STAB2: variants seen among roughly 807,000 people sequenced by gnomAD.
STAB2 encodes stabilin-2.
STAB2 carries 288 observed loss-of-function variants against 338.1 expected under a neutral mutation model. The observed-to-expected ratio is 0.85, with a 90% CI of 0.77 to 0.94. The LOEUF (loss-of-function observed/expected upper bound fraction) is 0.94. Ranked by LOEUF, STAB2 falls within the 40% of genes least tolerant of loss-of-function variation. The pLI is 0.00. For synonymous variants in STAB2, 1,202 were observed against 1,193.3 expected (o/e 1.01, Z -0.15); for missense variants, 3,141 against 3,210.1 (o/e 0.98, Z 0.52).
At chr12:103,760,581 G>A (rs1158225283) in intron 65 of STAB2, among the ~76,000 whole-genome samples, 4 of 152,250 alleles carry the variant, frequency 2.6e-5, no homozygotes, top group South Asian at 2.1e-4. Flanking sequence ...TTATTTTGGG[G>A]TGACATGTCC....
intron 44 of STAB2, among the ~76,000 whole-genome samples, chr12:103,720,599 C>T (rs1399069985): frequency 6.6e-6 from 1 of 152,120 alleles, no homozygotes; most frequent in African/African-American, 2.4e-5. Context: ...GCTAAAGAAA[C>T]AAAATAGTCC....
chr12:103,620,880 C>T (rs190728434), intron 4 of STAB2, among the ~76,000 whole-genome samples: 4 of 152,032 alleles, frequency 2.6e-5, no homozygotes, highest in East Asian at 1.9e-4. Context: ...GGGAGGATCA[C>T]GAGGTCAGGA....
At chr12:103,757,012 T>A (rs762734141) in intron 63 of STAB2, among the ~76,000 whole-genome samples, 74,808 of 140,562 alleles carry the variant, frequency 0.53, 20,492 homozygotes, top group South Asian at 0.73. Context: ...TATATATATA[T>A]ATATATATAT....
At chr12:103,719,740 A>G (rs1241967478) in intron 44 of STAB2, among the ~76,000 whole-genome samples, 1 of 152,038 alleles carries the variant, frequency 6.6e-6, no homozygotes, top group Non-Finnish European at 1.5e-5. Flanking sequence ...AGTTGCATCC[A>G]CAGTTGCATC....
intron 63 of STAB2, among the ~76,000 whole-genome samples, chr12:103,757,169 G>C (rs2139221213): frequency 6.6e-6 from 1 of 151,456 alleles, no homozygotes; most frequent in East Asian, 2.0e-4. Flanking sequence ...GCTCATGGCA[G>C]CCTCAACCTC....
chr12:103,618,886 G>T (rs1364831737), intron 3 of STAB2, among the ~76,000 whole-genome samples: 1 of 152,160 alleles, frequency 6.6e-6, no homozygotes, highest in Non-Finnish European at 1.5e-5. Context: ...GACCCAGGGG[G>T]AGGTAATTGA....
chr12:103,631,620 G>A lies in STAB2; in HGVS notation c.510G>A (p.Val170=), dbSNP rs781574131. ...CAGTGTGCAACTGTGTGCATGGGGTGTGCAACAGTGGACTAGATGGCGATG... is the reference window on the plus strand; with the variant it reads ...CAGTGTGCAACTGTGTGCATGGGGTATGCAACAGTGGACTAGATGGCGATG... ...CSSVCNCVHG[V]CNSGLDGDGT... is the part of the protein sequence containing the mutation. Residue 170 remains valine, a synonymous_variant, in exon 6 of 69, where the codon GTG becomes GTA. Transcript: ENST00000388887. 6.2e-7 allele frequency: 1 copy of A among 1,614,156 alleles called. No homozygotes were observed.
intron 19 of STAB2, among the ~76,000 whole-genome samples, chr12:103,668,387 G>T (rs1196838063): frequency 6.6e-6 from 1 of 152,204 alleles, no homozygotes; most frequent in Non-Finnish European, 1.5e-5. Context: ...ATCTGCTGTG[G>T]CATGGAAGAG....
intron 25 of STAB2, among the ~76,000 whole-genome samples, chr12:103,681,207 C>T (rs777653839): frequency 6.6e-6 from 1 of 152,164 alleles, no homozygotes; most frequent in Non-Finnish European, 1.5e-5. Flanking sequence ...TGTGAAAAAG[C>T]TCACTGCAGT....
intron 23 of STAB2, among the ~76,000 whole-genome samples, chr12:103,674,624 T>G (rs1876158486): frequency 6.6e-6 from 1 of 152,198 alleles, no homozygotes; most frequent in Admixed American, 6.5e-5. Flanking sequence ...TAGGTTGCCA[T>G]TTGTTTCCTT....
intron 53 of STAB2, among the ~76,000 whole-genome samples, chr12:103,738,446 A>G (rs1882325780): frequency 6.6e-6 from 1 of 152,184 alleles, no homozygotes; most frequent in Admixed American, 6.5e-5. Context: ...CATCTGCCCT[A>G]TTGTGTAGAT....
chr12:103,656,712 C>T (rs1350093319), intron 15 of STAB2, among the ~76,000 whole-genome samples: 2 of 140,790 alleles, frequency 1.4e-5, no homozygotes, highest in Non-Finnish European at 3.0e-5. Flanking sequence ...CGGAGTCTCG[C>T]TCTGTCGCCC....
intron 56 of STAB2, among the ~76,000 whole-genome samples, chr12:103,743,706 G>A (rs76721793): frequency 0.098 from 14,878 of 152,216 alleles, 955 homozygotes; most frequent in Non-Finnish European, 0.14. Flanking sequence ...ATAGCCACGC[G>A]TAGATAGTGG....
chr12:103,735,511 C>G lies in STAB2; in HGVS notation c.5481C>G (p.Pro1827=). ...TACAGGTTTTAGCTGTGGATCTTCC[C>G]ACATCCACTGCCTGGAAGACCCTGC... ...RDAKVLAVDL[P]TSTAWKTLQG... is the part of the protein sequence containing the mutation. The change falls in exon 52 of 69, where the codon CCC becomes CCG. Residue 1827 remains proline (P), a synonymous_variant. Coordinates refer to ENST00000388887, the MANE Select transcript of STAB2 (RefSeq NM_017564.10). 1 of 1,607,948 alleles carries G rather than the reference C, an allele frequency of 6.2e-7. No individual in the cohort carries two copies. The highest frequency in any genetic ancestry group is 8.5e-7 in the Non-Finnish European group (1 of 1,176,952).
intron 3 of STAB2, among the ~76,000 whole-genome samples, chr12:103,615,914 G>A (rs551121528): frequency 2.6e-5 from 4 of 152,158 alleles, no homozygotes; most frequent in Admixed American, 1.3e-4. Flanking sequence ...ACAGGGTCTA[G>A]CCCTTGACAC....
chr12:103,662,722 T>C (rs143892065), intron 17 of STAB2, 124 bp from the exon 18 acceptor site: 8 of 1,135,926 alleles, frequency 7.0e-6, no homozygotes, highest in Non-Finnish European at 9.9e-6. Context: ...TACCCTCCAA[T>C]GAAAAGTTAA....
chr12:103,737,306 C>T (rs1322671059), intron 52 of STAB2, among the ~76,000 whole-genome samples: 2 of 152,206 alleles, frequency 1.3e-5, no homozygotes, highest in East Asian at 3.8e-4. Flanking sequence ...CTGGGCAAGT[C>T]ATTTAACCTC....
At chr12:103,737,815 C>T in intron 53 of STAB2, 35 bp downstream of exon 53, 2 of 1,611,794 alleles carry the variant, frequency 1.2e-6, no homozygotes, top group Non-Finnish European at 1.7e-6. Context: ...GTAAGAGAAC[C>T]TTAAGCCAAA....
At position 103,759,293 on chromosome 12, in the gene STAB2, T is replaced by G; in HGVS notation, c.7248+20T>G. The G allele has an allele frequency of 6.2e-7, 1 of 1,610,866 alleles. No homozygotes were observed. Among genetic ancestry groups the G allele is most frequent in the Non-Finnish European group, 8.5e-7 (1 of 1,178,382 alleles). On this transcript the variant is annotated intron_variant, in intron 65 of 68. Transcript: ENST00000388887. ...CAACCGGTACAAAGTCTTCTGGGCT[T>G]CTTGGGGGAACGGGAGATAATGCAT...
Sources: gnomAD v4.1 joint callset for allele counts (sites outside exome capture counted in the v4.1 genomes callset) on GRCh38, gnomAD v4.1.1 for gene constraint, MANE v1.5 for transcripts, NCBI Gene and HGNC (gene_info 2026-07-23, HGNC 2026-07-21) for gene names.